ALK: variants seen among roughly 807,000 people sequenced by gnomAD.
The protein encoded by ALK is ALK tyrosine kinase receptor.
A neutral mutation model predicts 163.1 loss-of-function variants in ALK; 74 were observed. The observed-to-expected ratio is 0.45, with a 90% CI of 0.38 to 0.55. ALK has a LOEUF of 0.55. Among genes scored for constraint, ALK ranks in the 20% least tolerant of loss-of-function variants. ALK has a pLI of 0.00. For synonymous variants in ALK, 960 were observed against 843.2 expected (o/e 1.14, Z -2.40); for missense variants, 2,063 against 2,105.3 (o/e 0.98, Z 0.39).
chr2:29,580,266 C>T (rs944881051), intron 3 of ALK, among the ~76,000 whole-genome samples: 1 of 152,202 alleles, frequency 6.6e-6, no homozygotes, highest in Non-Finnish European at 1.5e-5. Context: ...CCGTGATTAC[C>T]GTGCACTACC....
chr2:29,486,583 C>G (rs1252494787), intron 4 of ALK, among the ~76,000 whole-genome samples: 3 of 152,168 alleles, frequency 2.0e-5, no homozygotes, highest in African/African-American at 7.2e-5. Flanking sequence ...AAAGTCAGAG[C>G]TGCTTAAGAG....
intron 1 of ALK, among the ~76,000 whole-genome samples, chr2:29,833,804 C>T (rs1165963684): frequency 6.6e-6 from 1 of 152,218 alleles, no homozygotes; most frequent in Non-Finnish European, 1.5e-5. Flanking sequence ...AAGCATGCAG[C>T]ATCTCCTTTC....
chr2:29,732,062 T>C (rs1679757957), intron 1 of ALK, among the ~76,000 whole-genome samples: 2 of 152,186 alleles, frequency 1.3e-5, no homozygotes, highest in Non-Finnish European at 2.9e-5. Flanking sequence ...GGAATCCTCA[T>C]CTTCAAGAAT....
At chr2:29,539,265 G>A (rs1673349179) in intron 3 of ALK, among the ~76,000 whole-genome samples, 1 of 152,094 alleles carries the variant, frequency 6.6e-6, no homozygotes, top group Admixed American at 6.6e-5. Flanking sequence ...CTCCAAGCAG[G>A]ATATATTTCC....
chr2:29,655,164 A>C (rs2148257076), intron 3 of ALK, among the ~76,000 whole-genome samples: 1 of 152,276 alleles, frequency 6.6e-6, no homozygotes, highest in Non-Finnish European at 1.5e-5. Context: ...CAACCTTCAA[A>C]GTCTAAGAAG....
intron 1 of ALK, among the ~76,000 whole-genome samples, chr2:29,737,423 T>C (rs1031068718): frequency 1.1e-4 from 17 of 152,230 alleles, no homozygotes; most frequent in Admixed American, 6.5e-5. Flanking sequence ...TTACATTTCA[T>C]ATATAGTTTA....
chr2:29,580,720 G>A (rs372145240), intron 3 of ALK, among the ~76,000 whole-genome samples: 17 of 152,356 alleles, frequency 1.1e-4, no homozygotes, highest in African/African-American at 3.4e-4. Flanking sequence ...CCATCCAGAT[G>A]ACAGTTTGGT....
chr2:29,753,287 G>A (rs998460546), intron 1 of ALK, among the ~76,000 whole-genome samples: 31 of 152,366 alleles, frequency 2.0e-4, no homozygotes, highest in Non-Finnish European at 3.1e-4. Context: ...GATTTGATCT[G>A]TGCAAGGAAC....
intron 2 of ALK, among the ~76,000 whole-genome samples, chr2:29,698,049 C>T (rs1678624187): frequency 6.6e-6 from 1 of 152,176 alleles, no homozygotes; most frequent in Non-Finnish European, 1.5e-5. Flanking sequence ...AGCTGCTTTC[C>T]AGGAGCTGCC....
At chr2:29,725,102 T>C (rs1679532051) in intron 1 of ALK, among the ~76,000 whole-genome samples, 1 of 137,430 alleles carries the variant, frequency 7.3e-6, no homozygotes, top group Non-Finnish European at 1.5e-5. Flanking sequence ...AAGGAAATTG[T>C]TAGCATGGTG....
chr2:29,629,058 A>G (rs1676283159), intron 3 of ALK, among the ~76,000 whole-genome samples: 1 of 152,174 alleles, frequency 6.6e-6, no homozygotes, highest in Admixed American at 6.5e-5. Flanking sequence ...ATAAGTTGCA[A>G]GTGCTTATTT....
intron 3 of ALK, among the ~76,000 whole-genome samples, chr2:29,645,974 G>A (rs180886792): frequency 2.0e-4 from 30 of 152,124 alleles, no homozygotes; most frequent in African/African-American, 6.7e-4. Context: ...ATCTCCTTCA[G>A]TCTCATCTCC....
chr2:29,656,013 G>C (rs1294086675), intron 3 of ALK, among the ~76,000 whole-genome samples: 1 of 152,052 alleles, frequency 6.6e-6, no homozygotes, highest in Non-Finnish European at 1.5e-5. Context: ...CTGTCTGAGG[G>C]TCACAAGCAT....
chr2:29,467,242 GA>G (rs11358247), intron 4 of ALK, among the ~76,000 whole-genome samples: 59,981 of 144,006 alleles, frequency 0.42, 12,315 homozygotes, highest in East Asian at 0.69. Flanking sequence ...ATTGATAACA[GA>G]AAAAAAAAAA....
At chr2:29,468,966 C>G (rs1573380004) in intron 4 of ALK, among the ~76,000 whole-genome samples, 1 of 149,760 alleles carries the variant, frequency 6.7e-6, no homozygotes, top group Admixed American at 6.7e-5. Flanking sequence ...CTTTTGCAAT[C>G]AGACTTTGGC....
At chr2:29,554,698 A>C (rs1673801413) in intron 3 of ALK, among the ~76,000 whole-genome samples, 1 of 152,198 alleles carries the variant, frequency 6.6e-6, no homozygotes, top group African/African-American at 2.4e-5. Flanking sequence ...CATCTTGAAT[A>C]GGGTCTGGGT....
chr2:29,374,514 C>T (rs971287559), intron 5 of ALK, among the ~76,000 whole-genome samples: 2 of 151,526 alleles, frequency 1.3e-5, no homozygotes, highest in Non-Finnish European at 2.9e-5. Context: ...AACTTAGCAT[C>T]TATTGAGTGA....
At chr2:29,256,366 C>T (rs1007363215) in intron 11 of ALK, among the ~76,000 whole-genome samples, 8 of 152,220 alleles carry the variant, frequency 5.3e-5, no homozygotes, top group East Asian at 3.9e-4. Context: ...CCAGTCACTG[C>T]GCTTTCACAC....
chr2:29,727,475 C>T (rs961911121), intron 1 of ALK, among the ~76,000 whole-genome samples: 1 of 152,258 alleles, frequency 6.6e-6, no homozygotes, highest in Non-Finnish European at 1.5e-5. Context: ...AGTGTTACTG[C>T]GTGACCTTGG....
Sources: gnomAD v4.1 joint callset for allele counts (sites outside exome capture counted in the v4.1 genomes callset) on GRCh38, gnomAD v4.1.1 for gene constraint, MANE v1.5 for transcripts, NCBI Gene and HGNC (gene_info 2026-07-23, HGNC 2026-07-21) for gene names.